Variants in ANXA4 observed in about 807,000 individuals in gnomAD.
ANXA4 encodes 35-beta calcimedin.
In ANXA4, 39 loss-of-function variants were observed where a neutral mutation model predicts 49.8. That is an observed-to-expected ratio of 0.78 (90% CI 0.61 to 1.02). The LOEUF (loss-of-function observed/expected upper bound fraction) is 1.02. Ranked by LOEUF, ANXA4 falls within the 50% of genes least tolerant of loss-of-function variation. The pLI is 0.00. For synonymous variants in ANXA4, 134 were observed against 152.5 expected (o/e 0.88, Z 0.89); for missense variants, 360 against 410.1 (o/e 0.88, Z 1.05).
chr2:69,666,006 C>T (rs578117882), intron 2 of ANXA4, among the ~76,000 whole-genome samples: 53 of 152,278 alleles, frequency 3.5e-4, no homozygotes, highest in African/African-American at 1.2e-3. Flanking sequence ...AGTTCAAGAC[C>T]AGCCTGGGCA....
In ANXA4 at chr2:69,663,293, C is replaced by CTTTTTTTTTTT. The variant is rs55970370; in HGVS notation, n.766+10035_766+10045dup. Among the ~76,000 whole-genome samples the CTTTTTTTTTTT allele has an allele frequency of 1.4e-4, 6 of 42,838 alleles. 1 individual carries two copies. Among genetic ancestry groups the CTTTTTTTTTTT allele is most frequent in the Non-Finnish European group, 2.1e-4 (5 of 24,308 alleles). The allele number at this position is 42,838 out of a possible 152,430, so 28.1% of individuals were successfully genotyped here. A position where few individuals can be genotyped will look rare whatever the true frequency, so the allele number is the denominator to read the frequency against. ...ACAGGCGTGAGCCAATGCACCCGGC[C>CTTTTTTTTTTT]TTTTTTTTTTTTTTTTTTTTTTTTT... On this transcript the variant is annotated intron_variant and non_coding_transcript_variant, in intron 2 of 3. Coordinates refer to the ANXA4 transcript ENST00000418066.
chr2:69,722,893 C>T (rs1395609446), intron 3 of ANXA4, among the ~76,000 whole-genome samples: 1 of 151,608 alleles, frequency 6.6e-6, no homozygotes, highest in Admixed American at 6.6e-5. Context: ...AGGAAATAGG[C>T]CGGGCATGGT....
rs755577388 is a variant in ANXA4, at chr2:69,810,623, C to T, written c.427C>T (p.Arg143Cys). The part of the protein sequence containing the change: ...QYGRSLEDDI[R>C]SDTSFMFQRV... ...TGGACGGAGCCTTGAAGATGACATT[C>T]GCTCTGACACATCGTTCATGTTCCA... The change falls in exon 7 of 13, where the codon CGC (arginine) becomes TGC (cysteine). Residue 143 changes from arginine to cysteine, a missense_variant. Physicochemically the swap from Arg to Cys is radical, Grantham distance 180. Transcript: ENST00000394295. 30 of 1,613,994 alleles carry T rather than the reference C, an allele frequency of 1.9e-5. No homozygotes were observed. The highest frequency in any genetic ancestry group is 8.3e-5 in the Admixed American group (5 of 59,996).
intron 7 of ANXA4, among the ~76,000 whole-genome samples, chr2:69,812,449 C>A (rs888493241): frequency 3.9e-5 from 6 of 152,202 alleles, no homozygotes; most frequent in South Asian, 2.1e-4. Flanking sequence ...AGGGGCCACA[C>A]TGAGGCTCAG....
chr2:69,778,582 C>A lies in ANXA4; in HGVS notation c.-46-2938C>A, dbSNP rs575864033. ...CCTGACGTCGGGAGTTCGAGACCAGCCTGACCAACATGGAGAAACCCTGTC... is the reference window on the plus strand; with the variant it reads ...CCTGACGTCGGGAGTTCGAGACCAGACTGACCAACATGGAGAAACCCTGTC... On this transcript the variant is annotated intron_variant, in intron 1 of 12. Transcript: ENST00000394295. 1.2e-4 allele frequency among the ~76,000 whole-genome samples: 18 copies of A among 152,186 alleles called. No homozygotes were observed. The South Asian group carries it at 3.7e-3, about 32-fold the overall frequency.
At chr2:69,680,837 A>G (rs1276086451) in intron 2 of ANXA4, among the ~76,000 whole-genome samples, 1 of 152,160 alleles carries the variant, frequency 6.6e-6, no homozygotes, top group Admixed American at 6.5e-5. Flanking sequence ...CCATCCTTAC[A>G]TCCCTGAGAT....
At chr2:69,775,716 A>G (rs1209726398) in intron 1 of ANXA4, among the ~76,000 whole-genome samples, 1 of 152,202 alleles carries the variant, frequency 6.6e-6, no homozygotes, top group African/African-American at 2.4e-5. Context: ...CATATGCAAC[A>G]TTAGTATTTT....
At chr2:69,796,022 C>T (rs763943623) in intron 3 of ANXA4, among the ~76,000 whole-genome samples, 2 of 152,126 alleles carry the variant, frequency 1.3e-5, no homozygotes, top group Non-Finnish European at 2.9e-5. Flanking sequence ...CCAGAATCAC[C>T]CGGGGCTCCT....
intron 2 of ANXA4, among the ~76,000 whole-genome samples, chr2:69,680,941 C>T (rs1008937337): frequency 2.6e-5 from 4 of 152,138 alleles, no homozygotes; most frequent in South Asian, 2.1e-4. Context: ...CTGTGTTCAT[C>T]GGGGATAATG....
chr2:69,648,182 A>G (rs969666421), intron 1 of ANXA4, among the ~76,000 whole-genome samples: 15 of 152,238 alleles, frequency 9.9e-5, no homozygotes, highest in South Asian at 2.1e-4. Context: ...CAATACATCT[A>G]TGAAGTGTGC....
At chr2:69,688,836 C>T (rs773040059) in intron 2 of ANXA4, among the ~76,000 whole-genome samples, 1 of 152,208 alleles carries the variant, frequency 6.6e-6, no homozygotes, top group African/African-American at 2.4e-5. Flanking sequence ...CTCTTACATT[C>T]CACATTCAAC....
chr2:69,765,077 C>T (rs200365109), intron 1 of ANXA4, among the ~76,000 whole-genome samples: 1 of 94,736 alleles, frequency 1.1e-5, no homozygotes, highest in Non-Finnish European at 2.5e-5. Context: ...TATGTGTATA[C>T]ACACACACAC....
At chr2:69,671,792 A>G (rs1256916449) in intron 2 of ANXA4, among the ~76,000 whole-genome samples, 5 of 152,212 alleles carry the variant, frequency 3.3e-5, no homozygotes, top group Non-Finnish European at 7.3e-5. Context: ...GACCTCATTC[A>G]TAGTCAGGGA....
chr2:69,750,139 A>G (rs957466537), intron 1 of ANXA4, among the ~76,000 whole-genome samples: 3 of 152,216 alleles, frequency 2.0e-5, no homozygotes, highest in Admixed American at 1.3e-4. Context: ...AGTGTTACAG[A>G]TATCACCTGC....
At chr2:69,801,253 C>A (rs1320325504) in intron 3 of ANXA4, among the ~76,000 whole-genome samples, 2 of 152,094 alleles carry the variant, frequency 1.3e-5, no homozygotes. Flanking sequence ...GGCCAGCATT[C>A]CCTTGTGCAA....
intron 3 of ANXA4, among the ~76,000 whole-genome samples, chr2:69,728,246 C>T (rs1421997045): frequency 6.6e-6 from 1 of 152,126 alleles, no homozygotes; most frequent in Non-Finnish European, 1.5e-5. Context: ...CTCCATAGTG[C>T]TTTTACTTCG....
intron 3 of ANXA4, among the ~76,000 whole-genome samples, chr2:69,800,747 T>C (rs534568475): frequency 6.6e-6 from 1 of 152,280 alleles, no homozygotes; most frequent in East Asian, 1.9e-4. Flanking sequence ...GGAGTCATGG[T>C]AAATCCACAG....
intron 1 of ANXA4, among the ~76,000 whole-genome samples, chr2:69,751,021 G>A (rs1670819385): frequency 6.6e-6 from 1 of 152,152 alleles, no homozygotes; most frequent in Non-Finnish European, 1.5e-5. Flanking sequence ...CTGACCCTGT[G>A]CCAGACATCT....
chr2:69,713,398 G>A (rs891570618), intron 2 of ANXA4, among the ~76,000 whole-genome samples: 4 of 152,088 alleles, frequency 2.6e-5, no homozygotes, highest in African/African-American at 7.3e-5. Flanking sequence ...TCTTATGTTC[G>A]GTGGTGTGCT....
Sources: allele counts gnomAD v4.1 joint callset (sites outside exome capture counted in the v4.1 genomes callset), GRCh38; gene constraint gnomAD v4.1.1; transcripts MANE v1.5; gene names NCBI Gene and HGNC (gene_info 2026-07-23, HGNC 2026-07-21).